Variants in CUX2 observed in about 807,000 individuals in gnomAD.
CUX2 encodes the protein cut like homeobox 2.
A neutral mutation model predicts 144.8 loss-of-function variants in CUX2; 40 were observed. The ratio of observed to expected loss-of-function variants is 0.28; its 90% CI spans 0.21 to 0.36. The LOEUF (loss-of-function observed/expected upper bound fraction) is 0.36, where lower values mean the gene tolerates loss of function less well. CUX2 is among the 10% of genes least tolerant of loss of function. CUX2 has a pLI of 1.00. For missense variants in CUX2, 1,615 were observed against 1,994.0 expected (o/e 0.81, Z 3.62); for synonymous variants, 827 against 875.6 (o/e 0.94, Z 0.98).
intron 1 of CUX2, among the ~76,000 whole-genome samples, chr12:111,083,203 A>G (rs1872002219): frequency 1.3e-5 from 2 of 152,094 alleles, no homozygotes; most frequent in South Asian, 4.1e-4. Flanking sequence ...TAGGAGAGAG[A>G]TGAGCAGGGT....
chr12:111,343,556 T>C (rs1267690087), intron 21 of CUX2, among the ~76,000 whole-genome samples: 1 of 152,082 alleles, frequency 6.6e-6, no homozygotes, highest in Admixed American at 6.5e-5. Context: ...AAAGAGGAGA[T>C]TGGTGGGAGG....
intron 1 of CUX2, among the ~76,000 whole-genome samples, chr12:111,048,624 T>G (rs1280854929): frequency 6.6e-6 from 1 of 152,088 alleles, no homozygotes; most frequent in Non-Finnish European, 1.5e-5. Context: ...GAAGGGCCCT[T>G]TGCCCAGTGG....
intron 1 of CUX2, among the ~76,000 whole-genome samples, chr12:111,134,759 AGGAAGACTCCCT>A (rs1875748947): frequency 6.6e-6 from 1 of 152,146 alleles, no homozygotes; most frequent in African/African-American, 2.4e-5. Context: ...GGAGAGGTCA[AGGAAGACTCCCT>A]GGAGGAGGTG....
chr12:111,076,323 A>G (rs745500695), intron 1 of CUX2, among the ~76,000 whole-genome samples: 2 of 152,262 alleles, frequency 1.3e-5, no homozygotes, highest in African/African-American at 4.8e-5. Flanking sequence ...TGGAAACAAC[A>G]GATGCCATTT....
At chr12:111,045,281 G>A (rs1869943798) in intron 1 of CUX2, among the ~76,000 whole-genome samples, 1 of 152,114 alleles carries the variant, frequency 6.6e-6, no homozygotes, top group African/African-American at 2.4e-5. Flanking sequence ...CTTTGGCTGG[G>A]CCCCAGTTTT....
chr12:111,046,455 G>T (rs971761791), intron 1 of CUX2, among the ~76,000 whole-genome samples: 1 of 152,098 alleles, frequency 6.6e-6, no homozygotes, highest in South Asian at 2.1e-4. Flanking sequence ...GGCACAGAAG[G>T]CTCAGTCCCT....
At chr12:111,090,310 C>G (rs1872486664) in intron 1 of CUX2, among the ~76,000 whole-genome samples, 1 of 152,210 alleles carries the variant, frequency 6.6e-6, no homozygotes, top group African/African-American at 2.4e-5. Flanking sequence ...GTCTCTCGCT[C>G]TGGAGTGCAG....
intron 3 of CUX2, among the ~76,000 whole-genome samples, chr12:111,235,530 G>C (rs1358406470): frequency 6.6e-6 from 1 of 152,022 alleles, no homozygotes; most frequent in Non-Finnish European, 1.5e-5. Flanking sequence ...AGACCAGCCT[G>C]ATCAACATGG....
intron 4 of CUX2, among the ~76,000 whole-genome samples, chr12:111,285,791 G>A (rs1406034136): frequency 1.3e-5 from 2 of 152,230 alleles, no homozygotes; most frequent in African/African-American, 2.4e-5. Flanking sequence ...GGCCTTGGCC[G>A]TTAGGACTCC....
chr12:111,157,756 G>C (rs1053843281), intron 1 of CUX2, among the ~76,000 whole-genome samples: 4 of 152,232 alleles, frequency 2.6e-5, no homozygotes, highest in Non-Finnish European at 5.9e-5. Context: ...TGCCTCATAA[G>C]TCATTCTTAG....
At chr12:111,250,448 T>C (rs935353209) in intron 3 of CUX2, among the ~76,000 whole-genome samples, 6 of 152,204 alleles carry the variant, frequency 3.9e-5, no homozygotes, top group Non-Finnish European at 8.8e-5. Context: ...TGGGAGCGTT[T>C]GGAGGCTCAG....
At chr12:111,205,124 C>T (rs148656068) in intron 1 of CUX2, among the ~76,000 whole-genome samples, 1,561 of 151,982 alleles carry the variant, frequency 0.01, 31 homozygotes, top group African/African-American at 0.036. Flanking sequence ...TCCATCTCGG[C>T]GGGCTGCGGA....
chr12:111,037,590 T>C lies in CUX2; in HGVS notation c.63+3350T>C, dbSNP rs1415907483. Among the ~76,000 whole-genome samples, 1 of 152,230 alleles carries C rather than the reference T, an allele frequency of 6.6e-6. No individual in the cohort carries two copies. Among genetic ancestry groups the C allele is most frequent in the Non-Finnish European group, 1.5e-5 (1 of 68,050 alleles). On this transcript the variant is annotated intron_variant, in intron 1 of 21. Coordinates refer to ENST00000261726, the MANE Select transcript of CUX2 (RefSeq NM_015267.4). This position sits in a 1 kb window ranked among gnomAD's most constrained non-coding sequence, Gnocchi z 5.4. ...CCCGTCTTTGCTTCTTTTTTGCCTT[T>C]GCTGCTAGCAGCTCAGGAAACGAGA... is the stretch of plus-strand genomic sequence containing the variant.
chr12:111,153,510 A>G (rs569557888), intron 1 of CUX2, among the ~76,000 whole-genome samples: 1 of 152,310 alleles, frequency 6.6e-6, no homozygotes, highest in South Asian at 2.1e-4. Flanking sequence ...CACCCTAGGC[A>G]CTTGTAACTT....
chr12:111,170,463 A>C (rs1878445930), intron 1 of CUX2, among the ~76,000 whole-genome samples: 1 of 139,232 alleles, frequency 7.2e-6, no homozygotes, highest in African/African-American at 2.7e-5. Context: ...AACTGCCCCC[A>C]CCGTGGATCA....
intron 1 of CUX2, among the ~76,000 whole-genome samples, chr12:111,115,883 A>T (rs1465780612): frequency 6.6e-6 from 1 of 152,228 alleles, no homozygotes. Flanking sequence ...ACTAGCACAC[A>T]GTAAGTTGTC....
chr12:111,040,773 C>T (rs955977361), intron 1 of CUX2, among the ~76,000 whole-genome samples: 20 of 152,166 alleles, frequency 1.3e-4, no homozygotes, highest in Non-Finnish European at 2.2e-4. Flanking sequence ...ATACACTGGG[C>T]TTCGTGGACC....
At chr12:111,303,221 GAAAAAAA>G (rs5800927) in intron 9 of CUX2, among the ~76,000 whole-genome samples, 3,025 of 49,338 alleles carry the variant, frequency 0.061, 69 homozygotes, top group South Asian at 0.1. Context: ...ACCCTGTCTC[GAAAAAAA>G]AAAAAAAAAA....
rs1433423566 is a variant in CUX2, at chr12:111,059,253, G to A, written c.63+25013G>A. Among the ~76,000 whole-genome samples, 1 of 152,252 alleles carries A rather than the reference G, an allele frequency of 6.6e-6. No individual in the cohort carries two copies. The highest frequency in any genetic ancestry group is 1.5e-5 in the Non-Finnish European group (1 of 68,044). The stretch of plus-strand genomic sequence containing the variant: ...GGGCCCCTCTTTGCAGGGCTTCTCG[G>A]GGAGGTGGGAGGGGAGGAGGGCTAC... On this transcript the variant is annotated intron_variant, in intron 1 of 21. Coordinates refer to ENST00000261726, the MANE Select transcript of CUX2 (RefSeq NM_015267.4). This position sits in a 1 kb window ranked among gnomAD's most constrained non-coding sequence, Gnocchi z 5.3.
Sources: allele counts gnomAD v4.1 joint callset (sites outside exome capture counted in the v4.1 genomes callset), GRCh38; gene constraint gnomAD v4.1.1; non-coding constraint Gnocchi (gnomAD v3.1); transcripts MANE v1.5; gene names NCBI Gene and HGNC (gene_info 2026-07-23, HGNC 2026-07-21).